The following SIRT6 variants were observed in gnomAD, a reference collection of about 807,000 sequenced individuals.
SIRT6 encodes the protein NAD-dependent protein deacylase sirtuin-6.
In SIRT6, 21 loss-of-function variants were observed where a neutral mutation model predicts 33.6. The observed-to-expected ratio is 0.62, with a 90% CI of 0.44 to 0.90. The LOEUF (loss-of-function observed/expected upper bound fraction) is 0.90, where lower values mean the gene tolerates loss of function less well. SIRT6 is among the 40% of genes least tolerant of loss of function. The probability of loss-of-function intolerance (pLI) is 0.00; values close to 1 mark genes in which losing one functional copy is unlikely to be tolerated. For synonymous variants in SIRT6, 221 were observed against 223.9 expected (o/e 0.99, Z 0.12); for missense variants, 504 against 510.6 (o/e 0.99, Z 0.12).
intron 1 of SIRT6, 143 bp from the exon 2 acceptor site, chr19:4,181,052 C>G: frequency 1.8e-6 from 2 of 1,132,826 alleles, no homozygotes; most frequent in Non-Finnish European, 2.4e-6. Flanking sequence ...CATGCCCCTC[C>G]TCTTCCTACA....
intron 4 of SIRT6, among the ~76,000 whole-genome samples, chr19:4,176,580 C>T (rs1018833592): frequency 6.6e-6 from 1 of 151,920 alleles, no homozygotes; most frequent in Non-Finnish European, 1.5e-5. Context: ...CAGAGCGGGA[C>T]TGTCTCAAAA....
intron 3 of SIRT6, 56 bp downstream of exon 3, chr19:4,179,040 TAAAAATGC>T: frequency 6.3e-7 from 1 of 1,574,878 alleles, no homozygotes; most frequent in East Asian, 2.3e-5. Context: ...ACTCTCCCCC[TAAAAATGC>T]AAACACGGTT....
intron 4 of SIRT6, 79 bp from the exon 5 acceptor site, chr19:4,176,016 T>C: frequency 7.6e-7 from 1 of 1,309,280 alleles, no homozygotes; most frequent in Non-Finnish European, 1.1e-6. Context: ...AGGGTGACGT[T>C]CTCCCAGGGA....
rs193166514 is a variant in SIRT6, at chr19:4,180,973, G to A, written c.67-64C>T. On this transcript the variant is annotated intron_variant, in intron 1 of 7. Transcript: ENST00000337491. ...TCCCCCAAGTGGCAAGGCCACGCAC[G>A]AGCCACAGACTGAGCTGTCCCTGTC... is the stretch of plus-strand genomic sequence containing the variant. 1.5e-3 allele frequency: 2,337 copies of A among 1,543,014 alleles called. 14 individuals are homozygous for A. In the Middle Eastern group the frequency reaches 0.031, roughly 20 times the overall value.
At chr19:4,182,346 C>T in intron 1 of SIRT6, 128 bp downstream of exon 1, 1 of 956,686 alleles carries the variant, frequency 1.0e-6, no homozygotes, top group South Asian at 1.8e-5. Flanking sequence ...GCCCCTTCCT[C>T]ACTGGGAAGT....
chr19:4,176,409 T>C (rs1052623434), intron 4 of SIRT6, among the ~76,000 whole-genome samples: 1 of 152,136 alleles, frequency 6.6e-6, no homozygotes, highest in African/African-American at 2.4e-5. Flanking sequence ...GCCAATATGG[T>C]GAAACCCCGT....
chr19:4,179,607 C>G, intron 2 of SIRT6: 1 of 408,182 alleles, frequency 2.4e-6, no homozygotes, highest in East Asian at 4.6e-5. Context: ...ATGACTTATT[C>G]TATTCAACCA....
chr19:4,175,452 G>T, intron 6 of SIRT6: 3 of 622,140 alleles, frequency 4.8e-6, no homozygotes, highest in Non-Finnish European at 8.3e-6. Context: ...GGATAGAGGA[G>T]ACACCTGGCG....
Position 4,174,868 on chromosome 19 carries a change from T to TG in SIRT6, c.816_817insC (p.Ile273HisfsTer155). 6.2e-7 allele frequency: 1 copy of TG among 1,600,938 alleles called. No homozygotes were observed. Among genetic ancestry groups the TG allele is most frequent in the Non-Finnish European group, 8.5e-7 (1 of 1,179,544 alleles). On this transcript the variant is annotated frameshift_variant, in exon 8 of 8. Coordinates refer to ENST00000337491, the MANE Select transcript of SIRT6 (RefSeq NM_016539.4). LOFTEE classifies it low-confidence loss of function (END_TRUNC). This position sits in a 1 kb window ranked among gnomAD's most constrained non-coding sequence, Gnocchi z 4.2. The stretch of plus-strand genomic sequence containing the variant: ...ACACGGGGGCCGTCCCAGGCGGGGA[T>TG]CTCCAGCCCCAGGTGCTTCATGAGC...
At chr19:4,177,244 C>T in intron 3 of SIRT6, 106 bp from the exon 4 acceptor site, 1 of 960,362 alleles carries the variant, frequency 1.0e-6, no homozygotes, top group Non-Finnish European at 1.6e-6. Context: ...TTCCCGGACT[C>T]CTCTCCCACA....
chr19:4,175,675 C>A lies in SIRT6; in HGVS notation c.614+5G>T. ...CATGGGCTCCCTGGGGGTGGGGGGT[C>A]AGACCTGCTGGCCTCATCGGCGAGT... is the stretch of plus-strand genomic sequence containing the variant. On this transcript the variant is annotated splice_donor_5th_base_variant and intron_variant, in intron 6 of 7. Transcript: ENST00000337491. The A allele has an allele frequency of 6.6e-7, 1 of 1,524,616 alleles. No individual in the cohort carries two copies. 94.4% of individuals were successfully genotyped at this position (1,524,616 alleles called of 1,614,324 possible).
intron 3 of SIRT6, among the ~76,000 whole-genome samples, chr19:4,177,571 T>A (rs1482024793): frequency 6.6e-6 from 1 of 152,100 alleles, no homozygotes; most frequent in Non-Finnish European, 1.5e-5. Context: ...ATTTATTTAT[T>A]TATTTTGAGA....
chr19:4,179,886 G>A (rs910755866), intron 2 of SIRT6, among the ~76,000 whole-genome samples: 8 of 152,152 alleles, frequency 5.3e-5, no homozygotes, highest in Admixed American at 2.0e-4. Flanking sequence ...CTGGGTGCTG[G>A]GAAGAGCCCA....
rs201136536 is a variant in SIRT6 at position 4,179,158 on chromosome 19, C to G, written c.323G>C (p.Arg108Pro). 6.2e-7 allele frequency: 1 copy of G among 1,612,320 alleles called. No individual in the cohort carries two copies. The highest frequency in any genetic ancestry group is 8.5e-7 in the Non-Finnish European group (1 of 1,179,774). Residue 108 changes from arginine (R) to proline (P), a missense_variant, in exon 3 of 8, where the codon CGC becomes CCC. Transcript: ENST00000337491. ...GTCCACGTTCTGGCTGACCAGGAAG[C>G]GGAGGAGGCCCACGCGCTCCAGCTG... ...LVQLERVGLL[R>P]FLVSQNVDGL...
At chr19:4,181,746 C>A (rs1053776721) in intron 1 of SIRT6, among the ~76,000 whole-genome samples, 1 of 152,030 alleles carries the variant, frequency 6.6e-6, no homozygotes, top group Non-Finnish European at 1.5e-5. Context: ...GAGCCGAGAT[C>A]GCGCCACTGC....
intron 4 of SIRT6, 121 bp downstream of exon 4, chr19:4,176,958 C>T: frequency 1.4e-6 from 1 of 733,824 alleles, no homozygotes; most frequent in Non-Finnish European, 2.2e-6. Flanking sequence ...GACACGCCCC[C>T]AGATCCCCCC....
chr19:4,176,790 C>T (rs184274745), intron 4 of SIRT6, among the ~76,000 whole-genome samples: 298 of 152,246 alleles, frequency 2.0e-3, no homozygotes, highest in Non-Finnish European at 3.2e-3. Context: ...TATTGTTCTA[C>T]GCTGCTCATC....
intron 1 of SIRT6, among the ~76,000 whole-genome samples, chr19:4,181,452 G>A (rs1228473745): frequency 1.3e-5 from 2 of 152,192 alleles, no homozygotes; most frequent in Admixed American, 1.3e-4. Context: ...CCTAGAAAGT[G>A]CCTGAGCTAC....
Position 4,174,371 on chromosome 19 carries a change from A to C in SIRT6, c.*246T>G. ...AGCCTCACCTCTGGACAACACAGCAAGTCAGAGGCTGGGGTGTGGCAGGGG... is the reference window on the plus strand; with the variant it reads ...AGCCTCACCTCTGGACAACACAGCACGTCAGAGGCTGGGGTGTGGCAGGGG... On this transcript the variant is annotated 3_prime_UTR_variant, in exon 8 of 8. Transcript: ENST00000337491. The surrounding 1 kb of genome is among the most constrained non-coding windows in gnomAD (Gnocchi z 4.2). 1 of 389,186 alleles carries C rather than the reference A, an allele frequency of 2.6e-6. No homozygotes were observed. Among genetic ancestry groups the C allele is most frequent in the Non-Finnish European group, 4.5e-6 (1 of 219,796 alleles). 24.1% of individuals were successfully genotyped at this position (389,186 alleles called of 1,614,324 possible).
Sources: gnomAD v4.1 joint callset for allele counts (sites outside exome capture counted in the v4.1 genomes callset) on GRCh38, gnomAD v4.1.1 for gene constraint, Gnocchi (gnomAD v3.1) non-coding constraint, MANE v1.5 for transcripts, NCBI Gene and HGNC (gene_info 2026-07-23, HGNC 2026-07-21) for gene names.